The following IQGAP1 variants were observed in gnomAD, a reference collection of about 807,000 sequenced individuals.
IQGAP1 encodes ras GTPase-activating-like protein IQGAP1.
Under a neutral mutation model 215.6 loss-of-function variants are expected in IQGAP1, and 66 were observed. That is an observed-to-expected ratio of 0.31 (90% CI 0.25 to 0.38). IQGAP1 has a LOEUF of 0.38. IQGAP1 is among the 10% of genes least tolerant of loss of function. IQGAP1 has a pLI of 1.00. For missense variants in IQGAP1, 1,712 were observed against 1,997.1 expected (o/e 0.86, Z 2.72); for synonymous variants, 772 against 728.7 (o/e 1.06, Z -0.96).
At chr15:90,486,292 A>G (rs1371368231) in intron 31 of IQGAP1, 160 bp downstream of exon 31, 1 of 550,298 alleles carries the variant, frequency 1.8e-6, no homozygotes, top group African/African-American at 1.9e-5. Context: ...GAAAACAACA[A>G]CAACAACAAA....
At chr15:90,391,110 T>C (rs1964629627) in intron 2 of IQGAP1, 1 of 381,014 alleles carries the variant, frequency 2.6e-6, no homozygotes, top group East Asian at 5.6e-5. Context: ...TGGTGGTGCA[T>C]GCCAGTAGTC....
chr15:90,454,582 A>G (rs1455675001), intron 14 of IQGAP1, 30 bp downstream of exon 14: 1 of 1,514,150 alleles, frequency 6.6e-7, no homozygotes, highest in Non-Finnish European at 8.8e-7. Flanking sequence ...TCCCCAAATA[A>G]TGTCACCATT....
chr15:90,424,684 A>G (rs1337112305), intron 2 of IQGAP1, among the ~76,000 whole-genome samples: 1 of 151,870 alleles, frequency 6.6e-6, no homozygotes, highest in Non-Finnish European at 1.5e-5. Context: ...TAAAAATACC[A>G]AAAAATTAGC....
chr15:90,479,206 C>T (rs529388585), intron 26 of IQGAP1, among the ~76,000 whole-genome samples: 9 of 152,198 alleles, frequency 5.9e-5, no homozygotes, highest in African/African-American at 1.9e-4. Flanking sequence ...TCTGTGCACA[C>T]TGTTTAGTTT....
chr15:90,449,602 G>C lies in IQGAP1; in HGVS notation c.1121G>C (p.Gly374Ala), dbSNP rs775328841. 4.3e-6 allele frequency: 7 copies of C among 1,613,140 alleles called. No homozygotes were observed. The South Asian group carries it at 7.7e-5, about 18-fold the overall frequency. The change falls in exon 11 of 38, where the codon GGA becomes GCA. Residue 374 changes from glycine (G) to alanine (A), a missense_variant. By Grantham distance (60) the Gly-to-Ala change is moderately conservative. Coordinates refer to ENST00000268182, the MANE Select transcript of IQGAP1 (RefSeq NM_003870.4). ...DPLQKEELQSGVDAANSAAQQ... is the reference protein window; with the variant it reads ...DPLQKEELQSAVDAANSAAQQ... Reference sequence around the variant, plus strand: ...CTGCAGAAGGAGGAGCTGCAGTCTGGAGTGGATGCTGCAAACAGTGCTGCC... The same window carrying C: ...CTGCAGAAGGAGGAGCTGCAGTCTGCAGTGGATGCTGCAAACAGTGCTGCC...
At chr15:90,405,618 C>T (rs1964866468) in intron 2 of IQGAP1, among the ~76,000 whole-genome samples, 1 of 152,088 alleles carries the variant, frequency 6.6e-6, no homozygotes, top group Admixed American at 6.5e-5. Context: ...TTAAACCAAG[C>T]CAAATATTAT....
intron 15 of IQGAP1, among the ~76,000 whole-genome samples, chr15:90,465,740 G>C (rs973291680): frequency 6.6e-6 from 1 of 151,694 alleles, no homozygotes; most frequent in Non-Finnish European, 1.5e-5. Flanking sequence ...ATGTTGCCCA[G>C]GCTGGTCTCG....
chr15:90,491,243 T>C (rs1273502076), intron 33 of IQGAP1, 90 bp from the exon 34 acceptor site: 1 of 1,061,224 alleles, frequency 9.4e-7, no homozygotes, highest in African/African-American at 1.6e-5. Flanking sequence ...GTTTAAGAAC[T>C]GTATAAGTTC....
In IQGAP1 at chr15:90,500,109, T is replaced by C. The variant is rs1034620026; in HGVS notation, c.*1T>C. 5.2e-6 allele frequency: 8 copies of C among 1,535,518 alleles called. No individual in the cohort carries two copies. The African/African-American group carries it at 8.2e-5, about 16-fold the overall frequency. On this transcript the variant is annotated 3_prime_UTR_variant, in exon 38 of 38. Transcript: ENST00000268182. ...CAACAAAAAGTTCTACGGGAAGTAA[T>C]TGATCGTTTGCTGCCAGCCCAGAAG...
At chr15:90,460,464 G>A (rs375615956) in intron 15 of IQGAP1, among the ~76,000 whole-genome samples, 5 of 152,142 alleles carry the variant, frequency 3.3e-5, no homozygotes, top group African/African-American at 1.2e-4. Flanking sequence ...TTGGAGAAAA[G>A]GCTGTTTGCA....
Position 90,466,586 on chromosome 15 carries a change from A to G in IQGAP1, c.2035+150A>G, listed in dbSNP as rs918549039. ...TCATTTTAAAGGAGATAAAATCCCT[A>G]TTTTTGAAAATATCCTTCCCCCCCC... On this transcript the variant is annotated intron_variant, in intron 17 of 37. Coordinates refer to ENST00000268182, the MANE Select transcript of IQGAP1 (RefSeq NM_003870.4). 1.1e-5 allele frequency: 8 copies of G among 726,530 alleles called. No homozygotes were observed. In the African/African-American group the frequency reaches 1.3e-4, roughly 12 times the overall value. 45.0% of individuals were successfully genotyped at this position (726,530 alleles called of 1,614,324 possible).
chr15:90,396,250 A>G (rs1964717402), intron 2 of IQGAP1, among the ~76,000 whole-genome samples: 1 of 152,204 alleles, frequency 6.6e-6, no homozygotes, highest in Non-Finnish European at 1.5e-5. Context: ...TCAGAATTCC[A>G]TGAATGTTGG....
intron 6 of IQGAP1, 62 bp from the exon 7 acceptor site, chr15:90,440,440 C>A (rs1449925179): frequency 2.6e-6 from 3 of 1,147,428 alleles, no homozygotes; most frequent in Non-Finnish European, 3.8e-6. Flanking sequence ...GAATATGTTT[C>A]CTTCTCTTGG....
At chr15:90,415,761 G>A (rs996774836) in intron 2 of IQGAP1, among the ~76,000 whole-genome samples, 1 of 152,140 alleles carries the variant, frequency 6.6e-6, no homozygotes, top group Non-Finnish European at 1.5e-5. Context: ...GTTAAAGACT[G>A]TATTACCACT....
rs552963276 is a variant in IQGAP1, at chr15:90,430,095, T to C, written c.390+429T>C. On this transcript the variant is annotated intron_variant, in intron 4 of 37. Coordinates refer to ENST00000268182, the MANE Select transcript of IQGAP1 (RefSeq NM_003870.4). The stretch of plus-strand genomic sequence containing the variant: ...GTAGGGAGTATGAAGGGTCATTTTT[T>C]ATTTTAAATTGTAGAGGTGGTAGAA... 2.7e-3 allele frequency among the ~76,000 whole-genome samples: 404 copies of C among 152,340 alleles called. 4 individuals are homozygous for C. The highest frequency in any genetic ancestry group is 0.021 in the South Asian group (102 of 4,824).
At chr15:90,398,855 C>A (rs1352706718) in intron 2 of IQGAP1, among the ~76,000 whole-genome samples, 1 of 151,776 alleles carries the variant, frequency 6.6e-6, no homozygotes, top group Admixed American at 6.6e-5. Flanking sequence ...ATACAAAAAA[C>A]ATTAGTTGGG....
chr15:90,491,372 C>CGT lies in IQGAP1; in HGVS notation c.4290_4291dup (p.Asp1431ValfsTer9). ...GAGAGCCATGCAGAGACGTGCTATC[C>CGT]GTGATGCCAAAACACCTGACAAGAT... On this transcript the variant is annotated frameshift_variant, in exon 34 of 38. Transcript: ENST00000268182. LOFTEE classifies it high-confidence loss of function. The CGT allele has an allele frequency of 6.2e-7, 1 of 1,614,070 alleles. No individual in the cohort carries two copies. The highest frequency in any genetic ancestry group is 1.1e-5 in the South Asian group (1 of 91,078).
chr15:90,482,031 C>G lies in IQGAP1; in HGVS notation c.3401C>G (p.Ser1134Cys), dbSNP rs746214406. The change falls in exon 27 of 38, where the codon TCC (serine) becomes TGC (cysteine). Residue 1134 changes from serine to cysteine, a missense_variant. This residue lies in a region of IQGAP1 where 691 missense variants were observed against 923.0 expected (regional missense o/e 0.75). Coordinates refer to ENST00000268182, the MANE Select transcript of IQGAP1 (RefSeq NM_003870.4). ...GAAGTGAAGACACGGCTAGACAGCTCCATCAGGAACATGCGGGCTGTGACA... is the reference window on the plus strand; with the variant it reads ...GAAGTGAAGACACGGCTAGACAGCTGCATCAGGAACATGCGGGCTGTGACA... ...HEEVKTRLDSSIRNMRAVTDK... is the reference protein window; with the variant it reads ...HEEVKTRLDSCIRNMRAVTDK... The G allele has an allele frequency of 8.1e-6, 13 of 1,614,228 alleles. No homozygotes were observed. In the Admixed American group the frequency reaches 2.2e-4, roughly 27 times the overall value.
intron 31 of IQGAP1, chr15:90,486,639 C>T (rs574221893): frequency 4.7e-5 from 12 of 255,094 alleles, no homozygotes; most frequent in African/African-American, 2.3e-4. Context: ...AGCCATCCTC[C>T]TCCTTTAGCC....
Sources: allele counts gnomAD v4.1 joint callset (sites outside exome capture counted in the v4.1 genomes callset), GRCh38; gene constraint gnomAD v4.1.1; regional missense constraint gnomAD v4.1.1; transcripts MANE v1.5; gene names NCBI Gene and HGNC (gene_info 2026-07-23, HGNC 2026-07-21).